MICOS10: variants seen among roughly 807,000 people sequenced by gnomAD.
The protein encoded by MICOS10 is MICOS complex subunit MIC10.
A neutral mutation model predicts 13.4 loss-of-function variants in MICOS10; 5 were observed. The ratio of observed to expected loss-of-function variants is 0.37; its 90% CI spans 0.20 to 0.78. The LOEUF is 0.78. Ranked by LOEUF, MICOS10 falls within the 30% of genes least tolerant of loss-of-function variation. The probability of loss-of-function intolerance (pLI) is 0.47; values close to 1 mark genes in which losing one functional copy is unlikely to be tolerated. For missense variants in MICOS10, 101 were observed against 94.6 expected (o/e 1.07, Z -0.28); for synonymous variants, 35 against 33.6 (o/e 1.04, Z -0.15).
At chr1:19,608,994 C>CTTTTTTTTT (rs5772856) in intron 1 of MICOS10, among the ~76,000 whole-genome samples, 3 of 60,592 alleles carry the variant, frequency 5.0e-5, no homozygotes, top group African/African-American at 1.5e-4. Context: ...CTTTTCCCAG[C>CTTTTTTTTT]TTTTTTTTTT....
rs374926684 is a variant in MICOS10 at position 19,625,542 on chromosome 1, C to A, written c.223-845C>A. The stretch of plus-strand genomic sequence containing the variant: ...GCTGTGTGGCACTGAAGCCGGCAGC[C>A]GGCCTTTTCCACCACTCCCTGGCTC... On this transcript the variant is annotated intron_variant, in intron 3 of 3. Transcript: ENST00000322753. 8 of 1,289,418 alleles carry A rather than the reference C, an allele frequency of 6.2e-6. No individual in the cohort carries two copies. In the East Asian group the frequency reaches 4.4e-4, roughly 72 times the overall value. The allele number at this position is 1,289,418 out of a possible 1,614,324, so 79.9% of individuals were successfully genotyped here.
intron 1 of MICOS10, among the ~76,000 whole-genome samples, chr1:19,600,272 G>A (rs1211552777): frequency 3.3e-5 from 5 of 152,144 alleles, no homozygotes; most frequent in Non-Finnish European, 7.4e-5. Flanking sequence ...TTTCCCATCT[G>A]TGAAATAAGG....
At chr1:19,603,551 A>T (rs551912382) in intron 1 of MICOS10, among the ~76,000 whole-genome samples, 1 of 152,316 alleles carries the variant, frequency 6.6e-6, no homozygotes, top group East Asian at 1.9e-4. Context: ...ATTCATACGG[A>T]GGTCCTGGGA....
At position 19,622,097 on chromosome 1, in the gene MICOS10, T is replaced by C. The variant is rs1484579732; in HGVS notation, c.65-3T>C. On this transcript the variant is annotated splice_polypyrimidine_tract_variant and splice_region_variant and intron_variant, in intron 1 of 3. Coordinates refer to ENST00000322753, the MANE Select transcript of MICOS10 (RefSeq NM_001032363.4). ...TTAGCATGTTTTTTCTCCCTCTTTG[T>C]AGGTACTGGTTTTGGATTAGGAATT... is the stretch of plus-strand genomic sequence containing the variant. 2 of 1,610,420 alleles carry C rather than the reference T, an allele frequency of 1.2e-6. No homozygotes were observed. Among genetic ancestry groups the C allele is most frequent in the Admixed American group, 3.3e-5 (2 of 59,858 alleles).
rs2094812203 is a variant in MICOS10, at chr1:19,601,028, A to G, written c.64+3919A>G. The G allele has an allele frequency of 1.3e-5, 17 of 1,287,584 alleles. 2 individuals are homozygous for G. In the South Asian group the frequency reaches 2.0e-4, roughly 15 times the overall value. 79.8% of individuals were successfully genotyped at this position (1,287,584 alleles called of 1,614,324 possible). ...CTAAAGTGTTTTGCTTCCAGGGTTC[A>G]CCAGGGTTATTTTCCCACCTGTTTG... On this transcript the variant is annotated intron_variant, in intron 1 of 3. Transcript: ENST00000322753.
chr1:19,625,051 C>G (rs574861627), intron 3 of MICOS10, among the ~76,000 whole-genome samples: 1 of 152,324 alleles, frequency 6.6e-6, no homozygotes, highest in South Asian at 2.1e-4. Flanking sequence ...AGGTGCAAGC[C>G]TGTCACTTGC....
chr1:19,597,141 C>G, intron 1 of MICOS10, 32 bp downstream of exon 1: 2 of 1,587,618 alleles, frequency 1.3e-6, no homozygotes, highest in Non-Finnish European at 1.7e-6. Flanking sequence ...CAGGCCCGGC[C>G]GGTGCAGAGC....
intron 1 of MICOS10, chr1:19,608,467 C>A: frequency 7.9e-7 from 1 of 1,262,144 alleles, no homozygotes. Flanking sequence ...CCCTCAGAGC[C>A]CTTGCCTGCT....
At position 19,627,514 on chromosome 1, in the gene MICOS10, A is replaced by G. The variant is rs880553; in HGVS notation, c.*1113A>G. ...CTCTGAAAGAAGTGTTTTAATGGAG[A>G]AGAGAGGTGTAGGCAAAGTACACTG... On this transcript the variant is annotated 3_prime_UTR_variant, in exon 4 of 4. Transcript: ENST00000322753. 0.12 allele frequency: 18,836 copies of G among 152,158 alleles called. 1,260 individuals are homozygous for G. The highest frequency in any genetic ancestry group is 0.17 in the African/African-American group (7,006 of 41,478). The allele number at this position is 152,158 out of a possible 1,614,324, so 9.4% of individuals were successfully genotyped here. A position where few individuals can be genotyped will look rare whatever the true frequency, so the allele number is the denominator to read the frequency against.
At chr1:19,606,298 G>A (rs941604226) in intron 1 of MICOS10, among the ~76,000 whole-genome samples, 3 of 151,814 alleles carry the variant, frequency 2.0e-5, no homozygotes, top group Non-Finnish European at 4.4e-5. Context: ...GAGGCAGAGA[G>A]GGGAATAACA....
chr1:19,601,212 T>C (rs757858222), intron 1 of MICOS10: 2 of 349,202 alleles, frequency 5.7e-6, no homozygotes, highest in Non-Finnish European at 1.1e-5. Flanking sequence ...TAATAGAAAA[T>C]TATCATATGA....
intron 1 of MICOS10, among the ~76,000 whole-genome samples, chr1:19,606,034 ACT>A (rs1352594392): frequency 5.3e-5 from 8 of 152,130 alleles, no homozygotes; most frequent in African/African-American, 1.7e-4. Flanking sequence ...AGAATGAATA[ACT>A]CTCTGGAGTG....
chr1:19,610,298 G>A (rs2100279008), intron 1 of MICOS10, among the ~76,000 whole-genome samples: 1 of 148,168 alleles, frequency 6.7e-6, no homozygotes, highest in African/African-American at 2.5e-5. Context: ...AATGTTGGAG[G>A]CTCTAGATAA....
chr1:19,626,461 ACTG>A lies in MICOS10; in HGVS notation c.*61_*63del. 6.3e-7 allele frequency: 1 copy of A among 1,590,424 alleles called. No individual in the cohort carries two copies. Among genetic ancestry groups the A allele is most frequent in the Non-Finnish European group, 8.6e-7 (1 of 1,159,248 alleles). Reference sequence around the variant, plus strand: ...GAAATCATGTTTATTCCTCAGGAATACTGAAGTGCCCTGGAGTAAGCTGCCATT... The same window carrying A: ...GAAATCATGTTTATTCCTCAGGAATAAAGTGCCCTGGAGTAAGCTGCCATT... On this transcript the variant is annotated 3_prime_UTR_variant, in exon 4 of 4. Transcript: ENST00000322753.
chr1:19,597,025 C>T lies in MICOS10; in HGVS notation c.-21C>T. 1 of 1,575,818 alleles carries T rather than the reference C, an allele frequency of 6.3e-7. No individual in the cohort carries two copies. The highest frequency in any genetic ancestry group is 8.6e-7 in the Non-Finnish European group (1 of 1,164,646). On this transcript the variant is annotated 5_prime_UTR_variant, in exon 1 of 4. Transcript: ENST00000322753. The stretch of plus-strand genomic sequence containing the variant: ...GCGCGGGGGCCGGCCGAGAGGAAAG[C>T]TGGAGGCGCGGGTGGGGAACATGTC...
chr1:19,604,106 T>G (rs959094931), intron 1 of MICOS10, among the ~76,000 whole-genome samples: 4 of 152,248 alleles, frequency 2.6e-5, no homozygotes, highest in African/African-American at 9.6e-5. Context: ...CAGCCTCAGT[T>G]TTCTTATCTA....
rs1313192119 is a variant in MICOS10 at position 19,623,490 on chromosome 1, A to C, written c.129A>C (p.Leu43Phe). 1.2e-6 allele frequency: 2 copies of C among 1,611,682 alleles called. No individual in the cohort carries two copies. The highest frequency in any genetic ancestry group is 2.7e-5 in the African/African-American group (2 of 74,828). ...LTFFKRRMWPLAFGSGMGLGM... is the reference protein window; with the variant it reads ...LTFFKRRMWPFAFGSGMGLGM... ...GCTCACTAGGAAGAATGTGGCCATTAGCCTTCGGTTCTGGCATGGGATTAG... is the reference window on the plus strand; with the variant it reads ...GCTCACTAGGAAGAATGTGGCCATTCGCCTTCGGTTCTGGCATGGGATTAG... Residue 43 changes from leucine to phenylalanine, a missense_variant, in exon 3 of 4, where the codon TTA becomes TTC. Coordinates refer to ENST00000322753, the MANE Select transcript of MICOS10 (RefSeq NM_001032363.4).
intron 1 of MICOS10, among the ~76,000 whole-genome samples, chr1:19,604,473 C>T (rs1004013517): frequency 7.9e-5 from 12 of 152,062 alleles, no homozygotes; most frequent in African/African-American, 2.9e-4. Flanking sequence ...GCAGCCACTG[C>T]ACTCCAGCCT....
intron 1 of MICOS10, among the ~76,000 whole-genome samples, chr1:19,603,109 C>A (rs1558337420): frequency 6.6e-6 from 1 of 152,026 alleles, no homozygotes; most frequent in Non-Finnish European, 1.5e-5. Flanking sequence ...TTAGGCAGAT[C>A]CCCTGAGGTC....
Sources: gnomAD v4.1 joint callset for allele counts (sites outside exome capture counted in the v4.1 genomes callset) on GRCh38, gnomAD v4.1.1 for gene constraint, MANE v1.5 for transcripts, NCBI Gene and HGNC (gene_info 2026-07-23, HGNC 2026-07-21) for gene names.